Variants in LIMS4 observed in about 807,000 individuals in gnomAD.
LIMS4 encodes LIM and senescent cell antigen-like-containing domain protein 4.
the LIMS4 span, among the ~76,000 whole-genome samples, chr2:110,395,934 G>A: frequency 7.1e-6 from 1 of 141,292 alleles, no homozygotes; most frequent in Non-Finnish European, 1.5e-5. Flanking sequence ...GCACATACCA[G>A]CGTCCTAAAG....
chr2:110,368,251 A>C, the LIMS4 span, among the ~76,000 whole-genome samples: 1 of 149,334 alleles, frequency 6.7e-6, no homozygotes, highest in Non-Finnish European at 1.5e-5. Flanking sequence ...ATTTATGAGC[A>C]TATAAATATA....
chr2:110,362,114 G>C, the LIMS4 span: 1 of 796,276 alleles, frequency 1.3e-6, no homozygotes. Flanking sequence ...TTAGGAAGCA[G>C]CATCTGGCAG....
chr2:110,391,720 G>GTGGTCGCC, the LIMS4 span, among the ~76,000 whole-genome samples: 1 of 112,702 alleles, frequency 8.9e-6, no homozygotes, highest in African/African-American at 4.9e-5. Flanking sequence ...GTGGATCACG[G>GTGGTCGCC]GGAGCCATTA....
the LIMS4 span, chr2:110,360,692 C>T: frequency 6.2e-7 from 1 of 1,602,910 alleles, no homozygotes. Context: ...GCTTCAGTTT[C>T]AAAAGTTTTT....
At chr2:110,371,993 C>T in the LIMS4 span, among the ~76,000 whole-genome samples, 1 of 152,042 alleles carries the variant, frequency 6.6e-6, no homozygotes, top group Non-Finnish European at 1.5e-5. Flanking sequence ...AAACTAGGGC[C>T]CAGCTTGCCA....
the LIMS4 span, among the ~76,000 whole-genome samples, chr2:110,425,696 C>T: frequency 7.0e-6 from 1 of 141,868 alleles, no homozygotes; most frequent in Non-Finnish European, 1.5e-5. Context: ...ACGCTGTTGC[C>T]TCGAGGATGA....
chr2:110,367,641 C>T, the LIMS4 span, among the ~76,000 whole-genome samples: 3 of 145,080 alleles, frequency 2.1e-5, no homozygotes, highest in Non-Finnish European at 4.4e-5. Flanking sequence ...CTTTGGGAGG[C>T]CAAGGCAGGT....
chr2:110,382,094 AAAAAATATAT>A, the LIMS4 span, among the ~76,000 whole-genome samples: 18 of 83,964 alleles, frequency 2.1e-4, no homozygotes, highest in Admixed American at 6.5e-4. Flanking sequence ...AAAAAAAAAA[AAAAAATATAT>A]ATATATATAT....
At chr2:110,371,884 C>T in the LIMS4 span, among the ~76,000 whole-genome samples, 1 of 149,454 alleles carries the variant, frequency 6.7e-6, no homozygotes, top group African/African-American at 2.5e-5. Context: ...GGCTAGACAA[C>T]CCCTTCTGGC....
the LIMS4 span, among the ~76,000 whole-genome samples, chr2:110,392,086 T>A: frequency 6.6e-6 from 1 of 152,184 alleles, no homozygotes; most frequent in East Asian, 1.9e-4. Flanking sequence ...ATTCATCACC[T>A]TGCATGTTTC....
At chr2:110,422,426 A>C in the LIMS4 span, among the ~76,000 whole-genome samples, 7 of 89,978 alleles carry the variant, frequency 7.8e-5, no homozygotes, top group Admixed American at 4.1e-4. Context: ...AGGTTTTTCC[A>C]TCAAAACCTC....
At chr2:110,382,126 TATATATA>T in the LIMS4 span, among the ~76,000 whole-genome samples, 1 of 99,558 alleles carries the variant, frequency 1.0e-5, no homozygotes, top group African/African-American at 5.2e-5. Flanking sequence ...TATATATATA[TATATATA>T]TATATATATA....
At chr2:110,373,743 C>T in the LIMS4 span, among the ~76,000 whole-genome samples, 15 of 149,774 alleles carry the variant, frequency 1.0e-4, no homozygotes, top group South Asian at 4.1e-4. Context: ...AATCTCTGCC[C>T]GCCCTGGTTC....
the LIMS4 span, among the ~76,000 whole-genome samples, chr2:110,385,921 GC>G: frequency 7.4e-4 from 39 of 52,688 alleles, no homozygotes; most frequent in Non-Finnish European, 1.1e-3. Context: ...GGGGGCAGTG[GC>G]CCACGCCTGT....
At chr2:110,391,857 CAGA>C in the LIMS4 span, among the ~76,000 whole-genome samples, 1 of 148,628 alleles carries the variant, frequency 6.7e-6, no homozygotes, top group Non-Finnish European at 1.5e-5. Context: ...CCAGCATGGC[CAGA>C]AGGAGAATTG....
chr2:110,386,782 C>A, the LIMS4 span: 2 of 708,518 alleles, frequency 2.8e-6, no homozygotes, highest in East Asian at 2.7e-5. Context: ...GCGAGCACAG[C>A]GGCAGCACCA....
At chr2:110,367,577 CAA>C in the LIMS4 span, among the ~76,000 whole-genome samples, 2 of 137,640 alleles carry the variant, frequency 1.5e-5, no homozygotes, top group African/African-American at 6.2e-5. Context: ...AAAATTAACT[CAA>C]GAGGGATTAA....
At chr2:110,447,488 C>T (rs28408973) in intron 8 of LIMS4, among the ~76,000 whole-genome samples, 4,614 of 24,250 alleles carry the variant, frequency 0.19, 1,306 homozygotes, top group African/African-American at 0.43. Context: ...CAGAGTCTCG[C>T]TCTGTTGCCA....
At chr2:110,367,942 G>A in the LIMS4 span, among the ~76,000 whole-genome samples, 2 of 144,966 alleles carry the variant, frequency 1.4e-5, no homozygotes, top group Admixed American at 1.4e-4. Flanking sequence ...GTCACCAAAT[G>A]ATACACTTTA....
Sources: gnomAD v4.1 joint callset for allele counts (sites outside exome capture counted in the v4.1 genomes callset) on GRCh38, gnomAD v4.1.1 for gene constraint, MANE v1.5 for transcripts, NCBI Gene and HGNC (gene_info 2026-07-23, HGNC 2026-07-21) for gene names.